Variants in SEM1 observed in about 807,000 individuals in gnomAD.
SEM1 encodes the protein 26S proteasome complex subunit SEM1.
A neutral mutation model predicts 12.7 loss-of-function variants in SEM1; 3 were observed. That is an observed-to-expected ratio of 0.24 (90% confidence interval 0.11 to 0.61). The LOEUF (loss-of-function observed/expected upper bound fraction) is 0.61, where lower values mean the gene tolerates loss of function less well. SEM1 is among the 20% of genes least tolerant of loss of function. SEM1 has a pLI of 0.88. For missense variants in SEM1, 59 were observed against 81.3 expected (o/e 0.73, Z 1.06); for synonymous variants, 30 against 27.8 (o/e 1.08, Z -0.25).
chr7:96,529,496 T>C (rs1226220577), intron 2 of SEM1, among the ~76,000 whole-genome samples: 6 of 152,088 alleles, frequency 3.9e-5, no homozygotes. Flanking sequence ...TAAAAATCAG[T>C]TATCTCTTCC....
intron 2 of SEM1, among the ~76,000 whole-genome samples, chr7:96,588,229 G>A (rs1806707211): frequency 6.6e-6 from 1 of 151,840 alleles, no homozygotes; most frequent in Non-Finnish European, 1.5e-5. Context: ...CGTGGTGCAT[G>A]CCTGTAGTCT....
At chr7:96,587,183 T>C (rs1806667488) in intron 2 of SEM1, among the ~76,000 whole-genome samples, 1 of 152,190 alleles carries the variant, frequency 6.6e-6, no homozygotes, top group African/African-American at 2.4e-5. Context: ...AAATAGGAGC[T>C]CTCAGAAATG....
chr7:96,506,972 G>A (rs1338591894), intron 2 of SEM1, among the ~76,000 whole-genome samples: 1 of 151,904 alleles, frequency 6.6e-6, no homozygotes, highest in African/African-American at 2.4e-5. Context: ...TTACCTCTTA[G>A]GAAAGAGATA....
At chr7:96,511,053 A>G (rs1476326197) in intron 2 of SEM1, among the ~76,000 whole-genome samples, 1 of 152,076 alleles carries the variant, frequency 6.6e-6, no homozygotes, top group Non-Finnish European at 1.5e-5. Flanking sequence ...GAAGGCTGAC[A>G]TTATCTTCTG....
chr7:96,535,274 C>T (rs1220039624), intron 2 of SEM1, among the ~76,000 whole-genome samples: 12 of 151,848 alleles, frequency 7.9e-5, no homozygotes, highest in Admixed American at 7.9e-4. Context: ...TCCTAGACCA[C>T]TAAATTTTTC....
intron 2 of SEM1, among the ~76,000 whole-genome samples, chr7:96,534,885 G>GA (rs1196566268): frequency 2.6e-5 from 4 of 151,802 alleles, no homozygotes; most frequent in Admixed American, 6.6e-5. Context: ...TGCTTTTTAA[G>GA]AAAAAATTCT....
chr7:96,638,481 A>C (rs903947354), intron 2 of SEM1, among the ~76,000 whole-genome samples: 1 of 152,018 alleles, frequency 6.6e-6, no homozygotes, highest in Non-Finnish European at 1.5e-5. Flanking sequence ...AAATAAATGC[A>C]TTTGTGATAA....
intron 2 of SEM1, among the ~76,000 whole-genome samples, chr7:96,567,946 A>C (rs1268052864): frequency 6.6e-6 from 1 of 150,458 alleles, no homozygotes. Flanking sequence ...ACACATACAC[A>C]CACACACTCA....
At chr7:96,620,288 C>T (rs147011955), downstream of SEM1, among the ~76,000 whole-genome samples, 756 of 152,120 alleles carry the variant, frequency 5.0e-3, 9 homozygotes, top group African/African-American at 0.017. Flanking sequence ...CAGCAGCCTG[C>T]GGCAGGGCAG....
intron 2 of SEM1, among the ~76,000 whole-genome samples, chr7:96,595,661 A>AT (rs796914661): frequency 3.4e-4 from 51 of 149,678 alleles, no homozygotes; most frequent in South Asian, 6.3e-4. Context: ...CGATTTTTAG[A>AT]TTTTTTTTTT....
chr7:96,662,208 AAC>A (rs1472246439), intron 2 of SEM1, among the ~76,000 whole-genome samples: 1 of 152,128 alleles, frequency 6.6e-6, no homozygotes, highest in African/African-American at 2.4e-5. Context: ...TTCTACTATA[AAC>A]ACACATATAC....
At chr7:96,486,145 A>T (rs980908699) in intron 2 of SEM1, 11 of 1,301,446 alleles carry the variant, frequency 8.5e-6, no homozygotes, top group East Asian at 5.0e-5. Context: ...AAAGACTTAG[A>T]GAGTTAATTT....
intron 2 of SEM1, among the ~76,000 whole-genome samples, chr7:96,682,343 T>C (rs545592265): frequency 1.7e-3 from 257 of 152,244 alleles, no homozygotes; most frequent in South Asian, 2.5e-3. Context: ...AGAGACAATT[T>C]GACTTCCTCT....
chr7:96,581,897 C>T (rs1337345414), intron 2 of SEM1, among the ~76,000 whole-genome samples: 2 of 152,106 alleles, frequency 1.3e-5, no homozygotes, highest in African/African-American at 2.4e-5. Flanking sequence ...TTTCTAGATA[C>T]ACAATCGTGT....
At chr7:96,627,763 C>T (rs76138834) in intron 2 of SEM1, among the ~76,000 whole-genome samples, 1 of 152,032 alleles carries the variant, frequency 6.6e-6, no homozygotes, top group Non-Finnish European at 1.5e-5. Flanking sequence ...ATGAAATGTT[C>T]GTAAATATCT....
At chr7:96,492,186 C>CATCT (rs1433165511) in intron 1 of SEM1, among the ~76,000 whole-genome samples, 1 of 152,154 alleles carries the variant, frequency 6.6e-6, no homozygotes, top group Non-Finnish European at 1.5e-5. Context: ...AGAATGTTTT[C>CATCT]ATCTTTCCAA....
intron 2 of SEM1, among the ~76,000 whole-genome samples, chr7:96,550,183 T>C (rs567939870): frequency 2.3e-4 from 35 of 152,326 alleles, no homozygotes; most frequent in African/African-American, 8.2e-4. Context: ...ATTACAACTG[T>C]TGTAATACAA....
chr7:96,496,248 A>C (rs1242140002), intron 1 of SEM1: 1 of 1,379,452 alleles, frequency 7.2e-7, no homozygotes, highest in Non-Finnish European at 9.9e-7. Flanking sequence ...TATTTAATAA[A>C]AGCCACATAT....
chr7:96,684,429 C>T (rs2115750436), downstream of SEM1, among the ~76,000 whole-genome samples: 2 of 151,624 alleles, frequency 1.3e-5, no homozygotes, highest in South Asian at 4.2e-4. Context: ...TGAAAGAAGG[C>T]TTGGCCCATG....
Sources: allele counts gnomAD v4.1 joint callset (sites outside exome capture counted in the v4.1 genomes callset), GRCh38; gene constraint gnomAD v4.1.1; transcripts MANE v1.5; gene names NCBI Gene and HGNC (gene_info 2026-07-23, HGNC 2026-07-21).